The following MED13 variants were observed in gnomAD, a reference collection of about 807,000 sequenced individuals.
MED13 encodes the protein mediator complex subunit 13.
MED13 carries 23 observed loss-of-function variants against 225.2 expected under a neutral mutation model. The ratio of observed to expected loss-of-function variants is 0.10; its 90% CI spans 0.07 to 0.14. The LOEUF is 0.14. MED13 is among the 10% of genes least tolerant of loss of function. MED13 has a pLI of 1.00. For missense variants in MED13, 2,197 were observed against 2,594.5 expected, an observed-to-expected ratio of 0.85 and a Z score of 3.33; for synonymous variants, 942 against 889.2, an observed-to-expected ratio of 1.06 and a Z score of -1.06.
chr17:61,971,033 T>C (rs887509192), intron 17 of MED13, among the ~76,000 whole-genome samples: 1 of 151,566 alleles, frequency 6.6e-6, no homozygotes, highest in Non-Finnish European at 1.5e-5. Context: ...ATAATAATAA[T>C]AAATAAAATA....
At chr17:62,035,631 A>G in intron 3 of MED13, 23 bp from the exon 4 acceptor site, 2 of 1,593,896 alleles carry the variant, frequency 1.3e-6, no homozygotes, top group Non-Finnish European at 1.7e-6. Flanking sequence ...AAAAAGTTTT[A>G]TCTTAGTGAT....
At chr17:62,030,627 A>G (rs1382358150) in intron 6 of MED13, 3 of 152,184 alleles carry the variant, frequency 2.0e-5, no homozygotes, top group Non-Finnish European at 4.4e-5. Context: ...GAAATTAGAC[A>G]GTCTTTTTTG....
Position 61,992,610 on chromosome 17 carries a change from C to G in MED13, c.2193G>C (p.Gly731=), listed in dbSNP as rs759730950. 1 of 1,606,270 alleles carries G rather than the reference C, an allele frequency of 6.2e-7. No homozygotes were observed. Among genetic ancestry groups the G allele is most frequent in the Non-Finnish European group, 8.5e-7 (1 of 1,173,524 alleles). ...EAGKKHKVED[G]TSSVTVLSHE... is the part of the protein sequence containing the mutation. ...GTGATAACACTGTTACACTAGATGT[C>G]CCATCTTCTACCTGCAAACAAATAT... Residue 731 remains glycine (G), a synonymous_variant, in exon 11 of 30, where the codon GGG becomes GGC. Transcript: ENST00000397786.
intron 3 of MED13, among the ~76,000 whole-genome samples, chr17:62,036,307 C>G (rs2080803103): frequency 6.6e-6 from 1 of 152,034 alleles, no homozygotes; most frequent in Admixed American, 6.6e-5. Flanking sequence ...ATGGGTCTTA[C>G]AGTTGAAGGC....
chr17:61,984,418 AAAT>A, intron 14 of MED13, 51 bp from the exon 15 acceptor site: 2 of 1,344,984 alleles, frequency 1.5e-6, no homozygotes, highest in Non-Finnish European at 2.0e-6. Context: ...TAGGAGGAAA[AAAT>A]AAATAAACAA....
intron 8 of MED13, among the ~76,000 whole-genome samples, chr17:62,020,246 A>T (rs2080626611): frequency 6.6e-6 from 1 of 151,794 alleles, no homozygotes; most frequent in African/African-American, 2.4e-5. Context: ...TTTTTTTATG[A>T]AGATTAAAGA....
chr17:61,969,580 T>G (rs1279225448), intron 17 of MED13, among the ~76,000 whole-genome samples: 1 of 152,072 alleles, frequency 6.6e-6, no homozygotes, highest in Non-Finnish European at 1.5e-5. Context: ...GCAGATCTCA[T>G]GTTAAGTGTT....
At chr17:61,973,724 G>A (rs1460797530) in intron 16 of MED13, among the ~76,000 whole-genome samples, 2 of 152,188 alleles carry the variant, frequency 1.3e-5, no homozygotes, top group African/African-American at 4.8e-5. Flanking sequence ...GCTCACACCT[G>A]TAATTCCAGC....
At chr17:62,008,780 C>G (rs2080479003) in intron 9 of MED13, among the ~76,000 whole-genome samples, 1 of 151,696 alleles carries the variant, frequency 6.6e-6, no homozygotes, top group African/African-American at 2.4e-5. Context: ...GTGGTATTAA[C>G]TTGAGTCTAA....
At chr17:62,015,954 A>ATATAT (rs1567980090) in intron 8 of MED13, among the ~76,000 whole-genome samples, 2 of 12,904 alleles carry the variant, frequency 1.5e-4, no homozygotes, top group Non-Finnish European at 2.2e-4. Flanking sequence ...ATATATATAT[A>ATATAT]TTTTTTTTTT....
chr17:61,995,201 T>A lies in MED13; in HGVS notation c.2132A>T (p.Asp711Val), dbSNP rs2080337109. ...CTCACTATTTTGTCTATCTTTTTTA[T>A]CAGGAAAAAGGAATTCCTCATCTCC... ...VEGDEEFLFPDKKDRQNSERE... is the reference protein window; with the variant it reads ...VEGDEEFLFPVKKDRQNSERE... The change falls in exon 10 of 30, where the codon GAT (aspartate) becomes GTT (valine). Residue 711 changes from aspartate to valine, a missense_variant. Physicochemically the swap from Asp to Val is radical, Grantham distance 152. This residue lies in a region of MED13 where 884 missense variants were observed against 918.5 expected (regional missense o/e 0.96). Coordinates refer to ENST00000397786, the MANE Select transcript of MED13 (RefSeq NM_005121.3). The A allele has an allele frequency of 1.2e-6, 2 of 1,613,800 alleles. No individual in the cohort carries two copies. The highest frequency in any genetic ancestry group is 1.7e-6 in the Non-Finnish European group (2 of 1,179,916).
At chr17:62,063,878 T>C (rs1456081767) in intron 1 of MED13, among the ~76,000 whole-genome samples, 3 of 152,222 alleles carry the variant, frequency 2.0e-5, no homozygotes, top group Non-Finnish European at 4.4e-5. Context: ...AAAAATAGAC[T>C]GAGTTGGATA....
At chr17:62,049,801 G>A (rs570516452) in intron 3 of MED13, among the ~76,000 whole-genome samples, 224 of 151,844 alleles carry the variant, frequency 1.5e-3, no homozygotes, top group African/African-American at 5.2e-3. Context: ...GTGGTGGCGG[G>A]CACCTGTAGT....
At chr17:62,020,828 C>A (rs2080635790) in intron 8 of MED13, among the ~76,000 whole-genome samples, 1 of 151,764 alleles carries the variant, frequency 6.6e-6, no homozygotes, top group Admixed American at 6.6e-5. Flanking sequence ...AGGCAGAGGA[C>A]CCTGCGGCCT....
In MED13 at chr17:62,010,716, C is replaced by A. The variant is rs2143587513; in HGVS notation, c.1801G>T (p.Gly601Cys). 4 of 1,597,564 alleles carry A rather than the reference C, an allele frequency of 2.5e-6. No individual in the cohort carries two copies. The highest frequency in any genetic ancestry group is 2.6e-6 in the Non-Finnish European group (3 of 1,170,568). ...QEAVEPTVYV[G>C]TAVNLEEDEA... ...TCTTCTTCCAAGTTTACTGCTGTAC[C>A]AACATATACTGTAGGTTCTACAGCT... Residue 601 changes from glycine to cysteine, a missense_variant, in exon 9 of 30, where the codon GGT (glycine) becomes TGT (cysteine). Coordinates refer to ENST00000397786, the MANE Select transcript of MED13 (RefSeq NM_005121.3).
intron 8 of MED13, among the ~76,000 whole-genome samples, chr17:62,012,172 C>T (rs527538933): frequency 1.0e-3 from 153 of 151,470 alleles, no homozygotes; most frequent in Non-Finnish European, 1.8e-3. Context: ...GCCGAGATCA[C>T]GCCACTGCAC....
intron 3 of MED13, among the ~76,000 whole-genome samples, chr17:62,047,387 A>G (rs1180626935): frequency 1.3e-5 from 2 of 152,126 alleles, no homozygotes; most frequent in Admixed American, 6.5e-5. Flanking sequence ...AAAAAGAATG[A>G]GTTTATGTCC....
intron 8 of MED13, among the ~76,000 whole-genome samples, chr17:62,019,124 T>C (rs1016324570): frequency 6.6e-6 from 1 of 152,200 alleles, no homozygotes; most frequent in Non-Finnish European, 1.5e-5. Context: ...TCCAATTGCA[T>C]AGCTACATGA....
chr17:61,993,832 G>C (rs1356671550), intron 10 of MED13, among the ~76,000 whole-genome samples: 1 of 151,840 alleles, frequency 6.6e-6, no homozygotes, highest in Non-Finnish European at 1.5e-5. Context: ...TAGGGAGGCT[G>C]AGGCAGGAGA....
Sources: gnomAD v4.1 joint callset for allele counts (sites outside exome capture counted in the v4.1 genomes callset) on GRCh38, gnomAD v4.1.1 for gene constraint, gnomAD v4.1.1 regional missense constraint, MANE v1.5 for transcripts, NCBI Gene and HGNC (gene_info 2026-07-23, HGNC 2026-07-21) for gene names.